Variants in DMD observed in about 807,000 individuals in gnomAD.
DMD encodes the protein dystrophin, also known as mutant dystrophin.
A neutral mutation model predicts 330.1 loss-of-function variants in DMD; 63 were observed. The ratio of observed to expected loss-of-function variants is 0.19; its 90% CI spans 0.16 to 0.24. The LOEUF (loss-of-function observed/expected upper bound fraction) is 0.24, where lower values mean the gene tolerates loss of function less well. DMD is among the 10% of genes least tolerant of loss of function. DMD has a pLI of 1.00. For synonymous variants in DMD, 1,223 were observed against 959.8 expected (o/e 1.27, Z -5.07); for missense variants, 3,344 against 2,684.1 (o/e 1.25, Z -5.43).
chrX:33,337,164 C>T (rs960729163), intron 1 of DMD, among the ~76,000 whole-genome samples: 1 of 111,557 alleles, frequency 9.0e-6, no homozygotes, highest in Non-Finnish European at 1.9e-5. Context: ...TTAAAAGTAA[C>T]TATGGTAACA....
intron 7 of DMD, among the ~76,000 whole-genome samples, chrX:32,771,006 C>G (rs931952798): frequency 8.1e-5 from 9 of 111,531 alleles, no homozygotes; most frequent in Non-Finnish European, 1.7e-4. Flanking sequence ...CTGGAGAAAA[C>G]ACATTTCCAT....
intron 20 of DMD, among the ~76,000 whole-genome samples, chrX:32,488,544 A>G (rs2042695095): frequency 8.9e-6 from 1 of 112,057 alleles, no homozygotes; most frequent in Non-Finnish European, 1.9e-5. Flanking sequence ...TTGCCCTTGT[A>G]TGAATAATAT....
intron 74 of DMD, among the ~76,000 whole-genome samples, chrX:31,157,671 T>G (rs2038304813): frequency 9.0e-6 from 1 of 111,726 alleles, no homozygotes; most frequent in Non-Finnish European, 1.9e-5. Flanking sequence ...TAGTTAGACT[T>G]AGTCTTAAGT....
chrX:31,800,779 G>T (rs1322660690), intron 50 of DMD, among the ~76,000 whole-genome samples: 3 of 111,348 alleles, frequency 2.7e-5, no homozygotes, highest in Non-Finnish European at 5.6e-5. Context: ...AGATCTCTAG[G>T]CCAGGGGAAA....
At chrX:32,005,263 C>G (rs1316996013) in intron 44 of DMD, among the ~76,000 whole-genome samples, 1 of 111,567 alleles carries the variant, frequency 9.0e-6, no homozygotes, top group Non-Finnish European at 1.9e-5. Context: ...ACTTAAAAAG[C>G]AATTTACCAG....
Position 32,835,584 on chromosome X carries a change from A to G in DMD, c.264+9199T>C, listed in dbSNP as rs758715473. Among the ~76,000 whole-genome samples, 138 of 112,384 alleles carry G rather than the reference A, an allele frequency of 1.2e-3. 2 individuals are homozygous for G. The highest frequency in any genetic ancestry group is 4.4e-3 in the African/African-American group (135 of 30,977). ...ACTTCATGCTAAAACAGCCACCACA[A>G]AGAATGCAAATTGGAACACAGACGT... On this transcript the variant is annotated intron_variant, in intron 4 of 78. Coordinates refer to ENST00000357033, the MANE Select transcript of DMD (RefSeq NM_004006.3).
chrX:31,307,600 A>G (rs1427938025), intron 62 of DMD, among the ~76,000 whole-genome samples: 2 of 86,074 alleles, frequency 2.3e-5, no homozygotes, highest in Admixed American at 1.1e-4. Flanking sequence ...CTCCCTACCA[A>G]AAAAACCCCA....
intron 43 of DMD, among the ~76,000 whole-genome samples, chrX:32,220,321 C>T (rs1215571075): frequency 1.8e-5 from 2 of 111,844 alleles, no homozygotes; most frequent in East Asian, 5.6e-4. Context: ...GTATTTATTA[C>T]AGCATGCAAC....
At chrX:32,105,177 C>A (rs2096558732) in intron 44 of DMD, among the ~76,000 whole-genome samples, 2 of 111,632 alleles carry the variant, frequency 1.8e-5, no homozygotes, top group African/African-American at 6.5e-5. Flanking sequence ...AAATGCCTCC[C>A]TTGTTCAATT....
chrX:31,364,049 A>G (rs1458436620), intron 60 of DMD, among the ~76,000 whole-genome samples: 3 of 112,957 alleles, frequency 2.7e-5, no homozygotes, highest in Non-Finnish European at 5.6e-5. Flanking sequence ...GACTATTGTC[A>G]GATCTGCCCA....
At chrX:33,295,257 G>C (rs1416724162) in intron 1 of DMD, among the ~76,000 whole-genome samples, 2 of 111,079 alleles carry the variant, frequency 1.8e-5, no homozygotes, top group Non-Finnish European at 3.8e-5. Flanking sequence ...CCTTTTATCT[G>C]TATGGTGAAA....
At chrX:32,231,853 A>T (rs1276932274) in intron 43 of DMD, among the ~76,000 whole-genome samples, 1 of 111,907 alleles carries the variant, frequency 8.9e-6, no homozygotes, top group Non-Finnish European at 1.9e-5. Context: ...TGCAGCATTT[A>T]AAAAAGTGAC....
chrX:31,690,055 A>G (rs1162841477), intron 52 of DMD, among the ~76,000 whole-genome samples: 1 of 112,107 alleles, frequency 8.9e-6, no homozygotes, highest in Non-Finnish European at 1.9e-5. Context: ...GGACGTAGGC[A>G]TGGGCAAGGA....
intron 1 of DMD, among the ~76,000 whole-genome samples, chrX:33,183,313 G>A (rs1333283309): frequency 1.8e-5 from 2 of 111,200 alleles, no homozygotes; most frequent in Admixed American, 1.9e-4. Context: ...TCTAAGTTTC[G>A]GTGATCAATT....
chrX:32,235,457 C>G (rs1317609375), intron 43 of DMD, among the ~76,000 whole-genome samples: 1 of 111,436 alleles, frequency 9.0e-6, no homozygotes, highest in East Asian at 2.8e-4. Flanking sequence ...GGGTCCCTAA[C>G]AGGCAACGGA....
chrX:32,741,360 A>G (rs769976078), intron 7 of DMD, among the ~76,000 whole-genome samples: 28 of 111,392 alleles, frequency 2.5e-4, no homozygotes, highest in African/African-American at 7.2e-4. Context: ...TCTGCAATAT[A>G]TTTTTTCAAA....
chrX:31,129,046 G>A (rs2034129600), intron 77 of DMD, among the ~76,000 whole-genome samples: 1 of 111,083 alleles, frequency 9.0e-6, no homozygotes, highest in Non-Finnish European at 1.9e-5. Context: ...AATGTGATGT[G>A]TTGTCAGGAA....
intron 32 of DMD, among the ~76,000 whole-genome samples, chrX:32,388,536 A>G (rs1455128729): frequency 1.8e-5 from 2 of 109,421 alleles, no homozygotes. Flanking sequence ...AGAATACCTC[A>G]TATTTTTCAC....
intron 52 of DMD, among the ~76,000 whole-genome samples, chrX:31,699,638 C>CACAA (rs1286200897): frequency 9.0e-6 from 1 of 111,726 alleles, no homozygotes; most frequent in Non-Finnish European, 1.9e-5. Flanking sequence ...CAAATTTTGC[C>CACAA]ACAAACAAAC....
Sources: allele counts gnomAD v4.1 joint callset (sites outside exome capture counted in the v4.1 genomes callset), GRCh38; gene constraint gnomAD v4.1.1; transcripts MANE v1.5; gene names NCBI Gene and HGNC (gene_info 2026-07-23, HGNC 2026-07-21).